The following HHAT variants were observed in gnomAD, a reference collection of about 807,000 sequenced individuals.
The protein encoded by HHAT is protein-cysteine N-palmitoyltransferase HHAT.
A neutral mutation model predicts 70.8 loss-of-function variants in HHAT; 47 were observed. That is an observed-to-expected ratio of 0.66 (90% CI 0.53 to 0.85). HHAT has a LOEUF of 0.85. Among genes scored for constraint, HHAT ranks in the 40% least tolerant of loss-of-function variants. The pLI, the probability that HHAT is intolerant of heterozygous loss-of-function variation, is 0.00. For missense variants in HHAT, 609 were observed against 604.8 expected, an observed-to-expected ratio of 1.01 and a Z score of -0.07; for synonymous variants, 228 against 247.6, an observed-to-expected ratio of 0.92 and a Z score of 0.74.
chr1:210,633,171 G>A (rs767339076), intron 11 of HHAT, among the ~76,000 whole-genome samples: 1 of 152,198 alleles, frequency 6.6e-6, no homozygotes, highest in Non-Finnish European at 1.5e-5. Context: ...AGTTGGGGTA[G>A]GGAGAGGTAC....
chr1:210,566,182 G>A (rs1654699885), intron 9 of HHAT, among the ~76,000 whole-genome samples: 1 of 152,188 alleles, frequency 6.6e-6, no homozygotes, highest in South Asian at 2.1e-4. Flanking sequence ...AAACGAAATA[G>A]GGTGGAAAGC....
At chr1:210,603,465 G>T (rs1664724068) in intron 10 of HHAT, among the ~76,000 whole-genome samples, 1 of 151,994 alleles carries the variant, frequency 6.6e-6, no homozygotes, top group Non-Finnish European at 1.5e-5. Flanking sequence ...ATATGTTGAA[G>T]ATTTGGCTGT....
intron 7 of HHAT, among the ~76,000 whole-genome samples, chr1:210,433,079 G>A (rs2093290947): frequency 6.6e-6 from 1 of 151,646 alleles, no homozygotes; most frequent in African/African-American, 2.4e-5. Flanking sequence ...TGTCTTACAT[G>A]GAAGAAGATA....
At chr1:210,588,426 A>G in intron 10 of HHAT, 1 of 249,940 alleles carries the variant, frequency 4.0e-6, no homozygotes, top group Non-Finnish European at 7.8e-6. Flanking sequence ...ATATACAAAC[A>G]GACATATGTA....
At position 210,675,811 on chromosome 1, in the gene HHAT, G is replaced by T. The variant is rs1378654988; in HGVS notation, c.*1432G>T. On this transcript the variant is annotated 3_prime_UTR_variant, in exon 12 of 12. Transcript: ENST00000261458. Reference sequence around the variant, plus strand: ...ATGTGTTAAAGCAAGACAGAGGCCAGAGAGGGGCAGGTAGACCTGCATAGC... The same window carrying T: ...ATGTGTTAAAGCAAGACAGAGGCCATAGAGGGGCAGGTAGACCTGCATAGC... 1 of 152,246 alleles carries T rather than the reference G, an allele frequency of 6.6e-6. No individual in the cohort carries two copies. The highest frequency in any genetic ancestry group is 1.5e-5 in the Non-Finnish European group (1 of 68,062). 9.4% of individuals were successfully genotyped at this position (152,246 alleles called of 1,614,324 possible).
intron 11 of HHAT, among the ~76,000 whole-genome samples, chr1:210,633,018 G>C (rs1229044876): frequency 1.3e-5 from 2 of 152,170 alleles, no homozygotes; most frequent in Non-Finnish European, 2.9e-5. Flanking sequence ...GCCTGTCCCT[G>C]CTGGCTCCTT....
chr1:210,516,432 T>C (rs2095058135), intron 9 of HHAT, among the ~76,000 whole-genome samples: 1 of 152,132 alleles, frequency 6.6e-6, no homozygotes, highest in South Asian at 2.1e-4. Flanking sequence ...AAGTAGAGCC[T>C]GATTCCTAGG....
intron 11 of HHAT, among the ~76,000 whole-genome samples, chr1:210,665,284 C>A (rs17260592): frequency 6.6e-6 from 1 of 152,184 alleles, no homozygotes; most frequent in Middle Eastern, 3.2e-3. Flanking sequence ...CATTTGCAGA[C>A]GTAGGCTTTG....
At chr1:210,541,813 TC>T (rs546641194) in intron 9 of HHAT, among the ~76,000 whole-genome samples, 206 of 152,254 alleles carry the variant, frequency 1.4e-3, no homozygotes, top group African/African-American at 4.7e-3. Flanking sequence ...AATGTCAGCA[TC>T]CCCCCTGGTC....
At chr1:210,621,531 G>GT (rs1668828899) in intron 10 of HHAT, among the ~76,000 whole-genome samples, 1 of 152,176 alleles carries the variant, frequency 6.6e-6, no homozygotes, top group Admixed American at 6.5e-5. Flanking sequence ...AGTTGAGTCA[G>GT]TAATACCCAG....
intron 3 of HHAT, among the ~76,000 whole-genome samples, chr1:210,373,518 G>A (rs2089769193): frequency 6.6e-6 from 1 of 152,146 alleles, no homozygotes; most frequent in African/African-American, 2.4e-5. Flanking sequence ...CTTTGTGTGG[G>A]GAACTGACTG....
intron 8 of HHAT, among the ~76,000 whole-genome samples, chr1:210,486,005 C>T (rs1410754124): frequency 1.3e-5 from 2 of 152,144 alleles, no homozygotes; most frequent in Non-Finnish European, 2.9e-5. Flanking sequence ...TCTGTAAGAT[C>T]GTCTTCAACT....
chr1:210,534,792 T>C (rs997464051), intron 9 of HHAT, among the ~76,000 whole-genome samples: 3 of 152,204 alleles, frequency 2.0e-5, no homozygotes, highest in Admixed American at 6.5e-5. Context: ...TTTAGAGTTT[T>C]GAATTGTGGA....
At chr1:210,413,640 A>G (rs1042776058) in intron 6 of HHAT, among the ~76,000 whole-genome samples, 1 of 152,214 alleles carries the variant, frequency 6.6e-6, no homozygotes, top group African/African-American at 2.4e-5. Flanking sequence ...TAGGATACGA[A>G]CACAATTCAG....
At chr1:210,493,384 G>A (rs1172488367) in intron 8 of HHAT, among the ~76,000 whole-genome samples, 3 of 152,194 alleles carry the variant, frequency 2.0e-5, no homozygotes, top group Non-Finnish European at 4.4e-5. Context: ...AAGGTAGTCT[G>A]CAGACAGAAT....
rs12073037 is a variant in HHAT at position 210,452,534 on chromosome 1, C to T, written c.857-11971C>T. Among the ~76,000 whole-genome samples, 1,197 of 152,262 alleles carry T rather than the reference C, an allele frequency of 7.9e-3. 17 individuals are homozygous for T. The highest frequency in any genetic ancestry group is 0.026 in the African/African-American group (1,096 of 41,556). On this transcript the variant is annotated intron_variant, in intron 7 of 11. Coordinates refer to ENST00000261458, the MANE Select transcript of HHAT (RefSeq NM_018194.6). ...TTGTTTTGAAGCAAATCCCAGATAT[C>T]TTATTATCTATGAATATTTCGGTAG...
Position 210,496,084 on chromosome 1 carries a change from GT to G in HHAT, c.1008-17055del, listed in dbSNP as rs35707126. Among the ~76,000 whole-genome samples, 483 of 136,878 alleles carry G rather than the reference GT, an allele frequency of 3.5e-3. 1 individual carries two copies. The highest frequency in any genetic ancestry group is 0.018 in the South Asian group (77 of 4,380). 89.8% of individuals were successfully genotyped at this position (136,878 alleles called of 152,430 possible). Reference sequence around the variant, plus strand: ...GTATTCATGGGTTAGAAAGAGTAAAGTTTTTTTTTTTTTTGAATCTTTTTAG... The same window carrying G: ...GTATTCATGGGTTAGAAAGAGTAAAGTTTTTTTTTTTTTGAATCTTTTTAG... On this transcript the variant is annotated intron_variant, in intron 8 of 11. Coordinates refer to ENST00000261458, the MANE Select transcript of HHAT (RefSeq NM_018194.6).
chr1:210,527,667 G>A (rs1286447336), intron 9 of HHAT, among the ~76,000 whole-genome samples: 1 of 152,176 alleles, frequency 6.6e-6, no homozygotes, highest in African/African-American at 2.4e-5. Context: ...CTCCCTGAGG[G>A]CCAGAATCGT....
intron 7 of HHAT, among the ~76,000 whole-genome samples, chr1:210,430,248 G>A (rs2093203744): frequency 6.6e-6 from 1 of 151,718 alleles, no homozygotes; most frequent in South Asian, 2.1e-4. Context: ...AGATATCCCA[G>A]TGCTTACCTT....
Sources: allele counts gnomAD v4.1 joint callset (sites outside exome capture counted in the v4.1 genomes callset), GRCh38; gene constraint gnomAD v4.1.1; transcripts MANE v1.5; gene names NCBI Gene and HGNC (gene_info 2026-07-23, HGNC 2026-07-21).